CLIC5: variants seen among roughly 807,000 people sequenced by gnomAD.
CLIC5 encodes CLIC family member 5.
Under a neutral mutation model 24.7 loss-of-function variants are expected in CLIC5, and 20 were observed. The observed-to-expected ratio is 0.81, with a 90% confidence interval of 0.57 to 1.18. The LOEUF (loss-of-function observed/expected upper bound fraction) is 1.18, where lower values mean the gene tolerates loss of function less well. Among genes scored for constraint, CLIC5 ranks in the 50% most tolerant of loss-of-function variants. The pLI is 0.00. For missense variants in CLIC5, 341 were observed against 326.1 expected, an observed-to-expected ratio of 1.05 and a Z score of -0.35; for synonymous variants, 159 against 135.6, an observed-to-expected ratio of 1.17 and a Z score of -1.20.
intron 3 of CLIC5, among the ~76,000 whole-genome samples, chr6:45,946,475 C>T (rs1457072232): frequency 6.6e-6 from 1 of 152,188 alleles, no homozygotes; most frequent in Non-Finnish European, 1.5e-5. Context: ...GGGAAAAAGC[C>T]TCCCATAATG....
downstream of CLIC5, chr6:45,880,835 G>C (rs1463371808): frequency 6.9e-6 from 2 of 288,038 alleles, no homozygotes; most frequent in Non-Finnish European, 1.3e-5. Context: ...TCTGAGAGAG[G>C]CAGAGTTAGT....
chr6:45,885,462 T>G (rs887971482), intron 6 of CLIC5, among the ~76,000 whole-genome samples: 5 of 152,222 alleles, frequency 3.3e-5, no homozygotes, highest in African/African-American at 9.7e-5. Context: ...AGTCATGTTA[T>G]GCCCATAATG....
At chr6:46,100,524 C>G in the CLIC5 span, among the ~76,000 whole-genome samples, 1 of 152,138 alleles carries the variant, frequency 6.6e-6, no homozygotes, top group Non-Finnish European at 1.5e-5. Flanking sequence ...TTGCAAACAC[C>G]CTCCCAGCCG....
chr6:46,004,922 G>A (rs1035197166), intron 1 of CLIC5, among the ~76,000 whole-genome samples: 1 of 152,206 alleles, frequency 6.6e-6, no homozygotes, highest in African/African-American at 2.4e-5. Context: ...AGACACTGCT[G>A]TCTCTAGATT....
At chr6:46,113,398 G>C in the CLIC5 span, among the ~76,000 whole-genome samples, 4 of 152,166 alleles carry the variant, frequency 2.6e-5, no homozygotes, top group Non-Finnish European at 4.4e-5. Flanking sequence ...GGCATTGCTG[G>C]AGGAGGTAAG....
chr6:46,109,419 C>A, the CLIC5 span, among the ~76,000 whole-genome samples: 2 of 148,700 alleles, frequency 1.3e-5, no homozygotes, highest in African/African-American at 5.0e-5. Context: ...GTGGCTTACG[C>A]CTATAATCCC....
At chr6:45,920,253 G>A (rs1763201554) in intron 4 of CLIC5, 2 of 984,350 alleles carry the variant, frequency 2.0e-6, no homozygotes, top group Non-Finnish European at 2.4e-6. Flanking sequence ...GGGCAACCAT[G>A]ACCCATCACA....
chr6:45,970,679 A>C (rs574013413), intron 1 of CLIC5, among the ~76,000 whole-genome samples: 1 of 152,170 alleles, frequency 6.6e-6, no homozygotes, highest in Non-Finnish European at 1.5e-5. Flanking sequence ...TTCTCTCACA[A>C]GTTCCTTTGC....
At chr6:46,123,954 C>G in the CLIC5 span, among the ~76,000 whole-genome samples, 1 of 152,166 alleles carries the variant, frequency 6.6e-6, no homozygotes. Flanking sequence ...AATGGAAGAA[C>G]ATTCCATGCT....
intron 1 of CLIC5, among the ~76,000 whole-genome samples, chr6:46,053,797 G>C (rs189292440): frequency 1.1e-3 from 163 of 152,196 alleles, no homozygotes; most frequent in African/African-American, 3.7e-3. Flanking sequence ...GGAGTTTGAC[G>C]AGAACTTTAC....
the CLIC5 span, among the ~76,000 whole-genome samples, chr6:46,110,590 C>T: frequency 3.1e-4 from 47 of 152,208 alleles, no homozygotes; most frequent in South Asian, 8.3e-3. Flanking sequence ...GATATGGTAC[C>T]TTGTCTACAT....
upstream of CLIC5, among the ~76,000 whole-genome samples, chr6:46,018,145 A>G (rs978414482): frequency 2.6e-5 from 4 of 152,254 alleles, no homozygotes; most frequent in Non-Finnish European, 4.4e-5. Context: ...ACATCCCTGC[A>G]CTGAAGTGTA....
At chr6:45,982,258 T>G (rs1036688513) in intron 1 of CLIC5, among the ~76,000 whole-genome samples, 6 of 152,110 alleles carry the variant, frequency 3.9e-5, no homozygotes, top group African/African-American at 1.4e-4. Flanking sequence ...TTGGGTCACC[T>G]GGGGCCTGTC....
chr6:46,082,321 T>A (rs1762941487), upstream of CLIC5, among the ~76,000 whole-genome samples: 1 of 152,196 alleles, frequency 6.6e-6, no homozygotes, highest in African/African-American at 2.4e-5. Context: ...CCCTCTCTTA[T>A]CCCATTTTAG....
chr6:46,088,597 A>T, the CLIC5 span, among the ~76,000 whole-genome samples: 1 of 152,150 alleles, frequency 6.6e-6, no homozygotes, highest in African/African-American at 2.4e-5. Context: ...CTCCTTTTCT[A>T]CCCATAAGTA....
chr6:45,962,919 C>T (rs1764898573), intron 1 of CLIC5, among the ~76,000 whole-genome samples: 2 of 152,304 alleles, frequency 1.3e-5, no homozygotes, highest in East Asian at 3.9e-4. Context: ...TTGAGCTTTA[C>T]GTCCATCTGC....
chr6:46,107,327 T>C, the CLIC5 span, among the ~76,000 whole-genome samples: 1 of 152,208 alleles, frequency 6.6e-6, no homozygotes, highest in Non-Finnish European at 1.5e-5. Context: ...GTGACCACGG[T>C]GAGGCCTGGG....
chr6:45,995,470 G>A (rs188786596), intron 1 of CLIC5, among the ~76,000 whole-genome samples: 3 of 152,154 alleles, frequency 2.0e-5, no homozygotes, highest in Non-Finnish European at 2.9e-5. Flanking sequence ...TCTGCTTTAC[G>A]CAGGCCTCCC....
chr6:45,912,003 C>T, intron 5 of CLIC5: 1 of 985,574 alleles, frequency 1.0e-6, no homozygotes, highest in South Asian at 4.7e-5. Flanking sequence ...GAAAGCGAGC[C>T]ACGCAAGAGG....
Sources: gnomAD v4.1 joint callset for allele counts (sites outside exome capture counted in the v4.1 genomes callset) on GRCh38, gnomAD v4.1.1 for gene constraint, MANE v1.5 for transcripts, NCBI Gene and HGNC (gene_info 2026-07-23, HGNC 2026-07-21) for gene names.